ABCF1: variants seen among roughly 807,000 people sequenced by gnomAD.
ABCF1 encodes the protein ATP binding cassette subfamily F member 1.
In ABCF1, 73 loss-of-function variants were observed where a neutral mutation model predicts 126.3. The ratio of observed to expected loss-of-function variants is 0.58; its 90% CI spans 0.48 to 0.70. ABCF1 has a LOEUF of 0.70. Among genes scored for constraint, ABCF1 ranks in the 30% least tolerant of loss-of-function variants. The probability of loss-of-function intolerance (pLI) is 0.00; values close to 1 mark genes in which losing one functional copy is unlikely to be tolerated. For synonymous variants in ABCF1, 345 were observed against 396.4 expected, an observed-to-expected ratio of 0.87 and a Z score of 1.54; for missense variants, 786 against 1,057.5, an observed-to-expected ratio of 0.74 and a Z score of 3.56.
At position 30,583,488 on chromosome 6, in the gene ABCF1, C is replaced by A; in HGVS notation, c.916-120C>A. 1 of 1,081,504 alleles carries A rather than the reference C, an allele frequency of 9.2e-7. No individual in the cohort carries two copies. Among genetic ancestry groups the A allele is most frequent in the Non-Finnish European group, 1.4e-6 (1 of 719,856 alleles). The allele number at this position is 1,081,504 out of a possible 1,614,324, so 67.0% of individuals were successfully genotyped here. On this transcript the variant is annotated intron_variant, in intron 10 of 24. Transcript: ENST00000326195. This position sits in a 1 kb window ranked among gnomAD's most constrained non-coding sequence, Gnocchi z 4.1. ...CTGTGGGGAGAGGAAGGGGATTATG[C>A]TGGAGGTAGCGGTTTGTCAGAGGCT...
intron 8 of ABCF1, among the ~76,000 whole-genome samples, chr6:30,581,202 A>G (rs1801798904): frequency 6.6e-6 from 1 of 152,100 alleles, no homozygotes. Context: ...AATTTATCTC[A>G]GATGATCTGG....
In ABCF1 at chr6:30,578,517, G is replaced by C; in HGVS notation, c.429G>C (p.Glu143Asp). The change falls in exon 6 of 25, where the codon GAG becomes GAC. Residue 143 changes from glutamate (E) to aspartate (D), a missense_variant. This residue lies in a region of ABCF1 where 322 missense variants were observed against 322.9 expected (regional missense o/e 1.00). Coordinates refer to ENST00000326195, the MANE Select transcript of ABCF1 (RefSeq NM_001025091.2). ...TGATTCAGGATCAGAGTGAGGAAGA[G>C]GAGGAGGAAGAAAAACATCCTCCTA... Reference protein sequence around the residue: ...AALIQDQSEEEEEEEKHPPKP... With the variant: ...AALIQDQSEEDEEEEKHPPKP... 1 of 1,613,990 alleles carries C rather than the reference G, an allele frequency of 6.2e-7. No individual in the cohort carries two copies. Among genetic ancestry groups the C allele is most frequent in the African/African-American group, 1.3e-5 (1 of 74,994 alleles).
chr6:30,580,683 G>A (rs1051425359), intron 8 of ABCF1, among the ~76,000 whole-genome samples, 164 bp downstream of exon 8: 1 of 151,862 alleles, frequency 6.6e-6, no homozygotes, highest in Admixed American at 6.6e-5. Context: ...TTTTGTTTTT[G>A]TTTTTGTTTA....
chr6:30,582,051 T>G (rs1248235370), intron 8 of ABCF1, among the ~76,000 whole-genome samples: 1 of 150,464 alleles, frequency 6.6e-6, no homozygotes, highest in African/African-American at 2.4e-5. Flanking sequence ...GAGTCCCTAG[T>G]TTTTTTTTGT....
At chr6:30,575,935 A>G (rs981193140) in intron 1 of ABCF1, among the ~76,000 whole-genome samples, 2 of 151,922 alleles carry the variant, frequency 1.3e-5, no homozygotes, top group African/African-American at 2.4e-5. Context: ...TTAGGCAGGC[A>G]TGGTGGCGCT....
Position 30,583,773 on chromosome 6 carries a change from G to T in ABCF1, c.1017-32G>T, listed in dbSNP as rs757000019. 9.3e-6 allele frequency: 15 copies of T among 1,613,794 alleles called. No homozygotes were observed. Among genetic ancestry groups the T allele is most frequent in the Non-Finnish European group, 1.2e-5 (14 of 1,179,684 alleles). On this transcript the variant is annotated intron_variant, in intron 11 of 24. Transcript: ENST00000326195. The surrounding 1 kb of genome is among the most constrained non-coding windows in gnomAD (Gnocchi z 4.1). ...AGGGAAAAGAAGAGATTTCTCAGTG[G>T]TGGCCAGGTCCTAATAGCTTTTATT...
chr6:30,577,682 A>T (rs1194941411), intron 2 of ABCF1, 136 bp from the exon 3 acceptor site: 1 of 1,013,122 alleles, frequency 9.9e-7, no homozygotes. Context: ...CATTCTCCAC[A>T]AAAAGAAAAA....
At chr6:30,575,427 G>A (rs749949573) in intron 1 of ABCF1, among the ~76,000 whole-genome samples, 40 of 151,544 alleles carry the variant, frequency 2.6e-4, no homozygotes, top group Admixed American at 1.4e-3. Flanking sequence ...AGATAGCAGT[G>A]AATGGAAGGG....
Position 30,584,862 on chromosome 6 carries a change from AAT to A in ABCF1, c.1391+300_1391+301del, listed in dbSNP as rs1802026193. On this transcript the variant is annotated intron_variant, in intron 14 of 24. Transcript: ENST00000326195. The surrounding 1 kb of genome is among the most constrained non-coding windows in gnomAD (Gnocchi z 4.6). Reference sequence around the variant, plus strand: ...CCAGGAGTTTGAGACCAGCCTGGGCAATATAGTGAGACTCTATCTTCACAAAA... The same window carrying A: ...CCAGGAGTTTGAGACCAGCCTGGGCAATAGTGAGACTCTATCTTCACAAAA... Among the ~76,000 whole-genome samples, 1 of 152,168 alleles carries A rather than the reference AAT, an allele frequency of 6.6e-6. No individual in the cohort carries two copies. The highest frequency in any genetic ancestry group is 6.5e-5 in the Admixed American group (1 of 15,276).
At position 30,584,234 on chromosome 6, in the gene ABCF1, G is replaced by A. The variant is rs749772013; in HGVS notation, c.1145G>A (p.Arg382Gln). ...DETPAVQAVLRADTKRLKLLE... is the reference protein window; with the variant it reads ...DETPAVQAVLQADTKRLKLLE... The stretch of plus-strand genomic sequence containing the variant: ...ACACCAGCAGTCCAGGCTGTTCTTC[G>A]AGCTGACACCAAGCGATTGAAGCTG... Residue 382 changes from arginine (R) to glutamine (Q), a missense_variant, in exon 13 of 25, where the codon CGA becomes CAA. Physicochemically the swap from Arg to Gln is conservative, Grantham distance 43. Around this residue, in one of 4 missense-constraint regions of ABCF1, gnomAD observed 163 missense variants for 255.3 expected, o/e 0.64. Transcript: ENST00000326195. The surrounding 1 kb of genome is among the most constrained non-coding windows in gnomAD (Gnocchi z 4.6). 5 of 1,612,998 alleles carry A rather than the reference G, an allele frequency of 3.1e-6. No individual in the cohort carries two copies. The highest frequency in any genetic ancestry group is 2.2e-5 in the South Asian group (2 of 91,086).
At chr6:30,587,634 T>TAA (rs879825798) in intron 20 of ABCF1, among the ~76,000 whole-genome samples, 2 of 138,394 alleles carry the variant, frequency 1.4e-5, no homozygotes, top group Admixed American at 7.2e-5. Flanking sequence ...AAACTCCGTC[T>TAA]AAAAAAAAAA....
rs751016474 is a variant in ABCF1 at position 30,583,771 on chromosome 6, T to C, written c.1017-34T>C. 1.9e-6 allele frequency: 3 copies of C among 1,613,504 alleles called. No homozygotes were observed. Among genetic ancestry groups the C allele is most frequent in the Non-Finnish European group, 2.5e-6 (3 of 1,179,624 alleles). ...GGAGGGAAAAGAAGAGATTTCTCAG[T>C]GGTGGCCAGGTCCTAATAGCTTTTA... On this transcript the variant is annotated intron_variant, in intron 11 of 24. Coordinates refer to ENST00000326195, the MANE Select transcript of ABCF1 (RefSeq NM_001025091.2). The surrounding 1 kb of genome is among the most constrained non-coding windows in gnomAD (Gnocchi z 4.1).
chr6:30,585,429 C>T, intron 15 of ABCF1, 86 bp downstream of exon 15: 1 of 1,582,210 alleles, frequency 6.3e-7, no homozygotes, highest in Non-Finnish European at 8.7e-7. Flanking sequence ...AGCCCTTCTC[C>T]ACTGTGCCTG....
chr6:30,589,068 C>T (rs1339050482), intron 20 of ABCF1, among the ~76,000 whole-genome samples: 1 of 152,084 alleles, frequency 6.6e-6, no homozygotes, highest in Non-Finnish European at 1.5e-5. Flanking sequence ...TGCAGTGGTG[C>T]GATCTCAGCA....
Position 30,589,802 on chromosome 6 carries a change from G to A in ABCF1, c.2065-4G>A. 1 of 1,614,124 alleles carries A rather than the reference G, an allele frequency of 6.2e-7. No individual in the cohort carries two copies. The highest frequency in any genetic ancestry group is 8.5e-7 in the Non-Finnish European group (1 of 1,180,022). On this transcript the variant is annotated splice_region_variant and splice_polypyrimidine_tract_variant and intron_variant, in intron 21 of 24. Coordinates refer to ENST00000326195, the MANE Select transcript of ABCF1 (RefSeq NM_001025091.2). ...ACCGACCACCTCCCTCTCTTCTCGG[G>A]CAGAAAATTGGCTTCTTCAACCAGC...
chr6:30,578,217 G>A lies in ABCF1; in HGVS notation c.343+15G>A. On this transcript the variant is annotated intron_variant, in intron 4 of 24. Coordinates refer to ENST00000326195, the MANE Select transcript of ABCF1 (RefSeq NM_001025091.2). ...GGAGGATGAAGGTAAATGACCTGAG[G>A]GGGAATGGGTACCTGGAATCCATGA... is the stretch of plus-strand genomic sequence containing the variant. The A allele has an allele frequency of 1.2e-6, 2 of 1,613,784 alleles. No homozygotes were observed. The highest frequency in any genetic ancestry group is 1.7e-6 in the Non-Finnish European group (2 of 1,179,876).
rs1340724527 is a variant in ABCF1 at position 30,577,687 on chromosome 6, GA to G, written c.121-123del. 43 of 1,029,232 alleles carry G rather than the reference GA, an allele frequency of 4.2e-5. No homozygotes were observed. In the Admixed American group the frequency reaches 5.1e-4, roughly 12 times the overall value. The allele number at this position is 1,029,232 out of a possible 1,614,324, so 63.8% of individuals were successfully genotyped here. A position where few individuals can be genotyped will look rare whatever the true frequency, so the allele number is the denominator to read the frequency against. On this transcript the variant is annotated intron_variant, in intron 2 of 24. Transcript: ENST00000326195. Reference sequence around the variant, plus strand: ...CTGCACACTCCATTCTCCACAAAAAGAAAAAAAAGAGAGAGACAGGAGGTAA... The same window carrying G: ...CTGCACACTCCATTCTCCACAAAAAGAAAAAAAGAGAGAGACAGGAGGTAA...
intron 5 of ABCF1, 23 bp downstream of exon 5, chr6:30,578,408 G>A (rs764980170): frequency 2.0e-5 from 32 of 1,613,930 alleles, no homozygotes; most frequent in African/African-American, 9.3e-5. Context: ...TGTGGTAAAC[G>A]GAGACTCCAA....
intron 20 of ABCF1, among the ~76,000 whole-genome samples, chr6:30,589,207 C>T (rs1376391456): frequency 6.6e-6 from 1 of 152,008 alleles, no homozygotes; most frequent in Non-Finnish European, 1.5e-5. Context: ...CAATGTTGGC[C>T]AGCCTGGTCT....
Sources: gnomAD v4.1 joint callset for allele counts (sites outside exome capture counted in the v4.1 genomes callset) on GRCh38, gnomAD v4.1.1 for gene constraint, gnomAD v4.1.1 regional missense constraint, Gnocchi (gnomAD v3.1) non-coding constraint, MANE v1.5 for transcripts, NCBI Gene and HGNC (gene_info 2026-07-23, HGNC 2026-07-21) for gene names.